RNF130: variants seen among roughly 807,000 people sequenced by gnomAD.
RNF130 encodes ring finger protein 130.
Under a neutral mutation model 44.6 loss-of-function variants are expected in RNF130, and 21 were observed. The observed-to-expected ratio is 0.47, with a 90% CI of 0.33 to 0.68. The LOEUF is 0.68. RNF130 is among the 30% of genes least tolerant of loss of function. The pLI is 0.02. For synonymous variants in RNF130, 214 were observed against 210.4 expected (o/e 1.02, Z -0.15); for missense variants, 479 against 560.6 (o/e 0.85, Z 1.47).
chr5:179,978,515 G>C (rs147980510), intron 4 of RNF130, among the ~76,000 whole-genome samples: 10 of 152,116 alleles, frequency 6.6e-5, no homozygotes, highest in Admixed American at 1.3e-4. Flanking sequence ...ATTTTGTTAT[G>C]ATATGTCTTA....
chr5:179,991,857 T>C (rs1763089481), intron 3 of RNF130, among the ~76,000 whole-genome samples: 2 of 152,098 alleles, frequency 1.3e-5, no homozygotes, highest in Admixed American at 1.3e-4. Context: ...GATGGTCCCA[T>C]CTGGGAGAGA....
intron 1 of RNF130, among the ~76,000 whole-genome samples, chr5:180,045,498 G>A (rs114017300): frequency 0.02 from 3,030 of 152,272 alleles, 111 homozygotes; most frequent in African/African-American, 0.07. Context: ...AACAGGGAAA[G>A]AACAAAGCTC....
Position 180,053,194 on chromosome 5 carries a change from C to T in RNF130, c.248-12547G>A, listed in dbSNP as rs374751753. Among the ~76,000 whole-genome samples, 8 of 152,142 alleles carry T rather than the reference C, an allele frequency of 5.3e-5. No homozygotes were observed. In the South Asian group the frequency reaches 1.7e-3, roughly 32 times the overall value. On this transcript the variant is annotated intron_variant, in intron 1 of 8. Coordinates refer to ENST00000521389, the MANE Select transcript of RNF130 (RefSeq NM_018434.6). ...ACTGGCAGACAGGATAGGGCATGGA[C>T]AGGGATTGCAACCACCTAGAGCTGC...
intron 2 of RNF130, chr5:180,015,479 GGGAAAGGA>G (rs1763696913): frequency 3.1e-6 from 1 of 321,184 alleles, no homozygotes; most frequent in African/African-American, 3.8e-5. Context: ...GAAAGGAGTA[GGGAAAGGA>G]GTAGGAAAGG....
At chr5:179,981,482 T>C (rs1762837988) in intron 3 of RNF130, among the ~76,000 whole-genome samples, 1 of 152,240 alleles carries the variant, frequency 6.6e-6, no homozygotes. Flanking sequence ...GAGAATGATT[T>C]AATAAAGCCT....
At chr5:180,054,284 T>C (rs1170002784) in intron 1 of RNF130, among the ~76,000 whole-genome samples, 2 of 152,166 alleles carry the variant, frequency 1.3e-5, no homozygotes, top group South Asian at 2.1e-4. Context: ...ATTTGCAAAC[T>C]TAAAAAATGA....
intron 3 of RNF130, among the ~76,000 whole-genome samples, chr5:179,985,513 G>A (rs1762933719): frequency 1.3e-5 from 2 of 152,102 alleles, no homozygotes. Flanking sequence ...TTGAATTCAT[G>A]GGGTTCTGGG....
chr5:179,971,392 C>T (rs1380121630), intron 5 of RNF130, among the ~76,000 whole-genome samples: 9 of 152,150 alleles, frequency 5.9e-5, no homozygotes, highest in South Asian at 4.1e-4. Context: ...GTTTTTGAGA[C>T]GGAGTCTTGC....
intron 2 of RNF130, among the ~76,000 whole-genome samples, chr5:180,020,678 T>C (rs1163543733): frequency 6.6e-6 from 1 of 152,180 alleles, no homozygotes; most frequent in East Asian, 1.9e-4. Flanking sequence ...AGCACTTGAA[T>C]GTCAGCTTTT....
chr5:179,913,313 C>T (rs913651482), exon 8 of RNF130: 1 of 151,748 alleles, frequency 6.6e-6, no homozygotes, highest in Non-Finnish European at 1.5e-5. Flanking sequence ...AGCACCGAAT[C>T]CTTCTGAAAG....
chr5:180,005,284 C>T (rs1363749144), intron 3 of RNF130, among the ~76,000 whole-genome samples: 6 of 152,044 alleles, frequency 3.9e-5, no homozygotes, highest in African/African-American at 9.7e-5. Flanking sequence ...AAAAATTAGT[C>T]GGGCCTGGTG....
At chr5:179,972,918 T>C (rs753980770) in intron 5 of RNF130, among the ~76,000 whole-genome samples, 4 of 152,140 alleles carry the variant, frequency 2.6e-5, no homozygotes, top group Admixed American at 6.5e-5. Flanking sequence ...CCCACCCCTC[T>C]GTTTTACTAA....
At chr5:179,936,271 A>C (rs1489268179) in intron 7 of RNF130, among the ~76,000 whole-genome samples, 3 of 152,058 alleles carry the variant, frequency 2.0e-5, no homozygotes, top group African/African-American at 7.2e-5. Context: ...AGGTAATTAA[A>C]AAAAATTTTT....
At chr5:180,005,724 C>CG (rs1322064961) in intron 3 of RNF130, among the ~76,000 whole-genome samples, 2 of 152,078 alleles carry the variant, frequency 1.3e-5, no homozygotes, top group Non-Finnish European at 2.9e-5. Context: ...GTGAAGTGTC[C>CG]TTGACTCCCT....
In RNF130 at chr5:180,071,678, G is replaced by GGCCC; in HGVS notation, c.21_24dup (p.Pro9GlyfsTer57). The GGCCC allele has an allele frequency of 1.4e-6, 2 of 1,407,366 alleles. No individual in the cohort carries two copies. Among genetic ancestry groups the GGCCC allele is most frequent in the Non-Finnish European group, 1.9e-6 (2 of 1,076,220 alleles). The allele number at this position is 1,407,366 out of a possible 1,614,324, so 87.2% of individuals were successfully genotyped here. On this transcript the variant is annotated frameshift_variant, in exon 1 of 9. Transcript: ENST00000521389. LOFTEE classifies it high-confidence loss of function. The stretch of plus-strand genomic sequence containing the variant: ...AGGGCGAGCGCGGCGAGCCGGGCAG[G>GGCCC]GCCCGCCCGCCCCGCGCAGCTCATC...
rs1240619713 is a variant in RNF130 at position 180,013,039 on chromosome 5, C to T, written c.693+22G>A. ...TGAACTCTGGCTGTTACGAACCAAT[C>T]ACTGTTGAGTACTGAGCTCACCTGG... On this transcript the variant is annotated intron_variant, in intron 3 of 8. Coordinates refer to ENST00000521389, the MANE Select transcript of RNF130 (RefSeq NM_018434.6). 3.8e-6 allele frequency: 6 copies of T among 1,599,704 alleles called. No homozygotes were observed. In the African/African-American group the frequency reaches 4.0e-5, roughly 11 times the overall value.
intron 7 of RNF130, among the ~76,000 whole-genome samples, chr5:179,938,329 A>C (rs1349132625): frequency 3.3e-5 from 5 of 152,010 alleles, no homozygotes; most frequent in African/African-American, 1.2e-4. Context: ...ACTTTGCATG[A>C]TTCAATTCAT....
chr5:180,028,649 CGT>C (rs1234477952), intron 2 of RNF130, among the ~76,000 whole-genome samples: 2 of 152,184 alleles, frequency 1.3e-5, no homozygotes, highest in African/African-American at 2.4e-5. Context: ...TTACTTCAGG[CGT>C]GTGTGTTTCC....
At chr5:180,010,109 C>T (rs539805604) in intron 3 of RNF130, among the ~76,000 whole-genome samples, 73 of 151,452 alleles carry the variant, frequency 4.8e-4, no homozygotes, top group African/African-American at 1.4e-3. Context: ...TAGCCAGGCA[C>T]GGTGGCAGGC....
Sources: gnomAD v4.1 joint callset for allele counts (sites outside exome capture counted in the v4.1 genomes callset) on GRCh38, gnomAD v4.1.1 for gene constraint, MANE v1.5 for transcripts, NCBI Gene and HGNC (gene_info 2026-07-23, HGNC 2026-07-21) for gene names.